C18orf63: variants seen among roughly 807,000 people sequenced by gnomAD.
The protein encoded by C18orf63 is uncharacterized protein C18orf63.
A neutral mutation model predicts 75.3 loss-of-function variants in C18orf63; 50 were observed. That is an observed-to-expected ratio of 0.66 (90% CI 0.53 to 0.84). The LOEUF (loss-of-function observed/expected upper bound fraction) is 0.84, where lower values mean the gene tolerates loss of function less well. Ranked by LOEUF, C18orf63 falls within the 40% of genes least tolerant of loss-of-function variation. The probability of loss-of-function intolerance (pLI) is 0.00; values close to 1 mark genes in which losing one functional copy is unlikely to be tolerated. For missense variants in C18orf63, 732 were observed against 800.2 expected, an observed-to-expected ratio of 0.91 and a Z score of 1.03; for synonymous variants, 232 against 267.6, an observed-to-expected ratio of 0.87 and a Z score of 1.30.
At chr18:74,320,755 G>A (rs548933942) in intron 3 of C18orf63, among the ~76,000 whole-genome samples, 164 bp downstream of exon 3, 2 of 152,198 alleles carry the variant, frequency 1.3e-5, no homozygotes, top group South Asian at 4.2e-4. Flanking sequence ...ATATTGAAAT[G>A]CCTGATGCTT....
At chr18:74,349,909 T>C (rs1249751514) in intron 11 of C18orf63, among the ~76,000 whole-genome samples, 1 of 152,212 alleles carries the variant, frequency 6.6e-6, no homozygotes, top group Non-Finnish European at 1.5e-5. Context: ...GTGCATCTGA[T>C]TGGCTGGTTC....
chr18:74,329,359 G>T (rs144348613), intron 6 of C18orf63, among the ~76,000 whole-genome samples: 1,921 of 121,800 alleles, frequency 0.016, 26 homozygotes, highest in South Asian at 0.058. Context: ...GGGTGACAGA[G>T]CAAGACCCTA....
At chr18:74,352,527 G>A (rs763989032) in intron 11 of C18orf63, among the ~76,000 whole-genome samples, 4 of 152,056 alleles carry the variant, frequency 2.6e-5, no homozygotes, top group South Asian at 2.1e-4. Context: ...TTGCTACCAC[G>A]TACCAGGCAC....
chr18:74,342,439 C>G (rs750186210), intron 10 of C18orf63, 113 bp downstream of exon 10: 1 of 647,492 alleles, frequency 1.5e-6, no homozygotes, highest in Non-Finnish European at 2.7e-6. Context: ...CTAACTGAAA[C>G]TATGGTACAT....
At chr18:74,336,420 T>A (rs954929270) in intron 7 of C18orf63, among the ~76,000 whole-genome samples, 2 of 152,136 alleles carry the variant, frequency 1.3e-5, no homozygotes, top group Non-Finnish European at 2.9e-5. Flanking sequence ...ATATGTGAAA[T>A]CTTTGAAACA....
intron 8 of C18orf63, among the ~76,000 whole-genome samples, chr18:74,339,862 A>T (rs1204254804): frequency 6.6e-6 from 1 of 152,216 alleles, no homozygotes; most frequent in Non-Finnish European, 1.5e-5. Context: ...TCTGTAAAAG[A>T]AATCAATGAA....
At chr18:74,344,897 G>A (rs1984547713) in intron 11 of C18orf63, among the ~76,000 whole-genome samples, 1 of 152,072 alleles carries the variant, frequency 6.6e-6, no homozygotes, top group African/African-American at 2.4e-5. Context: ...GTATATGTCT[G>A]CTGGTGCTCA....
intron 11 of C18orf63, among the ~76,000 whole-genome samples, chr18:74,345,968 A>G (rs547430757): frequency 0.028 from 1,855 of 67,364 alleles, 20 homozygotes; most frequent in African/African-American, 0.082. Context: ...ACTCGTGCAC[A>G]CACACACATA....
At chr18:74,323,017 A>C (rs918807012) in intron 4 of C18orf63, among the ~76,000 whole-genome samples, 1 of 152,212 alleles carries the variant, frequency 6.6e-6, no homozygotes, top group African/African-American at 2.4e-5. Flanking sequence ...CAGATAAGTG[A>C]ATCTCGTCAT....
Position 74,357,476 on chromosome 18 carries a change from T to C in C18orf63, c.*1029T>C, listed in dbSNP as rs1390643878. 1 of 152,226 alleles carries C rather than the reference T, an allele frequency of 6.6e-6. No individual in the cohort carries two copies. The highest frequency in any genetic ancestry group is 1.5e-5 in the Non-Finnish European group (1 of 68,034). 9.4% of individuals were successfully genotyped at this position (152,226 alleles called of 1,614,324 possible). The stretch of plus-strand genomic sequence containing the variant: ...ATATTATTCTGGCTTTCAAACATTT[T>C]ATATGTTTGATATACGAAATATTAT... On this transcript the variant is annotated 3_prime_UTR_variant, in exon 14 of 14. Transcript: ENST00000579455.
At chr18:74,338,654 TA>T (rs1026013114) in intron 7 of C18orf63, 60 bp from the exon 8 acceptor site, 6 of 671,146 alleles carry the variant, frequency 8.9e-6, no homozygotes, top group Admixed American at 3.6e-5. Flanking sequence ...ATGTATCTTT[TA>T]AAATGTTTCC....
chr18:74,354,410 T>G lies in C18orf63; in HGVS notation c.2002-47T>G, dbSNP rs927545906. ...ATATCTACCCTAGAGCGACTGTAAG[T>G]CTATGCAGTTAATTTGTAACAAATG... is the stretch of plus-strand genomic sequence containing the variant. On this transcript the variant is annotated intron_variant, in intron 12 of 13. Transcript: ENST00000579455. 5 of 1,279,908 alleles carry G rather than the reference T, an allele frequency of 3.9e-6. No homozygotes were observed. In the African/African-American group the frequency reaches 7.5e-5, roughly 19 times the overall value. The allele number at this position is 1,279,908 out of a possible 1,614,324, so 79.3% of individuals were successfully genotyped here. A position where few individuals can be genotyped will look rare whatever the true frequency, so the allele number is the denominator to read the frequency against.
intron 11 of C18orf63, among the ~76,000 whole-genome samples, chr18:74,344,663 T>G (rs1984543365): frequency 6.6e-6 from 1 of 152,140 alleles, no homozygotes; most frequent in Admixed American, 6.5e-5. Flanking sequence ...TCATGTAAAA[T>G]AAATCATAGA....
chr18:74,345,936 A>G (rs1285689927), intron 11 of C18orf63, among the ~76,000 whole-genome samples: 2 of 148,798 alleles, frequency 1.3e-5, no homozygotes, highest in Admixed American at 6.8e-5. Context: ...CAACTTGTCA[A>G]CTTACACATA....
chr18:74,325,872 C>T (rs1434814665), intron 4 of C18orf63, among the ~76,000 whole-genome samples: 1 of 152,218 alleles, frequency 6.6e-6, no homozygotes, highest in East Asian at 1.9e-4. Flanking sequence ...CTCACACCAT[C>T]TTTGCACTGC....
chr18:74,323,284 ACAGC>A (rs1188358990), intron 4 of C18orf63, among the ~76,000 whole-genome samples: 1 of 152,218 alleles, frequency 6.6e-6, no homozygotes, highest in Non-Finnish European at 1.5e-5. Context: ...CCCAGAAGCA[ACAGC>A]TGTTATTGCT....
chr18:74,318,133 G>C (rs568793129), intron 2 of C18orf63, 134 bp downstream of exon 2: 2 of 557,496 alleles, frequency 3.6e-6, no homozygotes, highest in African/African-American at 1.9e-5. Context: ...AAGGAAGTCA[G>C]ATTTTGTTTT....
At chr18:74,344,721 T>G (rs1419908159) in intron 11 of C18orf63, among the ~76,000 whole-genome samples, 1 of 152,186 alleles carries the variant, frequency 6.6e-6, no homozygotes, top group Non-Finnish European at 1.5e-5. Flanking sequence ...ATCATGTTTG[T>G]GACATTCATC....
At chr18:74,330,376 T>C (rs1326752520) in intron 6 of C18orf63, among the ~76,000 whole-genome samples, 1 of 152,088 alleles carries the variant, frequency 6.6e-6, no homozygotes, top group Non-Finnish European at 1.5e-5. Context: ...ATTTCAGAAG[T>C]AGTTTTCTTT....
Sources: gnomAD v4.1 joint callset for allele counts (sites outside exome capture counted in the v4.1 genomes callset) on GRCh38, gnomAD v4.1.1 for gene constraint, MANE v1.5 for transcripts, NCBI Gene and HGNC (gene_info 2026-07-23, HGNC 2026-07-21) for gene names.